The following NT5DC1 variants were observed in gnomAD, a reference collection of about 807,000 sequenced individuals.
NT5DC1 encodes the protein 5'-nucleotidase domain containing 1.
NT5DC1 carries 42 observed loss-of-function variants against 59.4 expected under a neutral mutation model. The ratio of observed to expected loss-of-function variants is 0.71; its 90% CI spans 0.55 to 0.92. NT5DC1 has a LOEUF of 0.92. NT5DC1 is among the 40% of genes least tolerant of loss of function. The pLI is 0.00. For synonymous variants in NT5DC1, 172 were observed against 188.1 expected (o/e 0.91, Z 0.70); for missense variants, 501 against 537.1 (o/e 0.93, Z 0.66).
chr6:116,233,977 G>GTTTTT (rs34646243), intron 8 of NT5DC1, among the ~76,000 whole-genome samples: 10 of 109,840 alleles, frequency 9.1e-5, no homozygotes, highest in Admixed American at 1.1e-4. Flanking sequence ...TCTTATAACT[G>GTTTTT]TTTTTTTTTT....
chr6:116,106,513 C>A (rs1187073938), intron 2 of NT5DC1, among the ~76,000 whole-genome samples, 178 bp downstream of exon 2: 2 of 152,098 alleles, frequency 1.3e-5, no homozygotes, highest in African/African-American at 4.8e-5. Context: ...AAAGTGTTTT[C>A]TACTTTAAAC....
At chr6:116,186,030 A>G (rs1328500069) in intron 6 of NT5DC1, among the ~76,000 whole-genome samples, 1 of 151,876 alleles carries the variant, frequency 6.6e-6, no homozygotes, top group African/African-American at 2.4e-5. Flanking sequence ...CAAGATTTAG[A>G]GCTTCTTATA....
chr6:116,118,106 CT>C, intron 6 of NT5DC1, 161 bp downstream of exon 6: 1 of 658,854 alleles, frequency 1.5e-6, no homozygotes, highest in African/African-American at 1.8e-5. Flanking sequence ...TTCAGAAGTC[CT>C]TTTATTTGTG....
chr6:116,243,502 T>C (rs1186013821), intron 11 of NT5DC1, among the ~76,000 whole-genome samples: 1 of 152,196 alleles, frequency 6.6e-6, no homozygotes, highest in Non-Finnish European at 1.5e-5. Flanking sequence ...TTCTGTAATA[T>C]GGGAGAAAGA....
chr6:116,140,314 T>C (rs471766), intron 6 of NT5DC1, among the ~76,000 whole-genome samples: 91,756 of 152,004 alleles, frequency 0.6, 29,701 homozygotes, highest in African/African-American at 0.85. Flanking sequence ...TTAGCTAATA[T>C]ACTTTCTCAG....
intron 6 of NT5DC1, among the ~76,000 whole-genome samples, chr6:116,184,583 G>T (rs1299887666): frequency 1.3e-5 from 2 of 151,970 alleles, no homozygotes; most frequent in African/African-American, 4.8e-5. Flanking sequence ...GGTCTGTTCA[G>T]AGTGTCTGTT....
In NT5DC1 at chr6:116,114,532, G is replaced by C. The variant is rs1026359438; in HGVS notation, c.365-1159G>C. The stretch of plus-strand genomic sequence containing the variant: ...CTCATATACATAGCTTGCAAATTGG[G>C]GGGAGGGGGGGGGAGTCAAAATCAG... On this transcript the variant is annotated intron_variant, in intron 4 of 11. Transcript: ENST00000319550. Among the ~76,000 whole-genome samples, 8 of 98,194 alleles carry C rather than the reference G, an allele frequency of 8.1e-5. 1 individual carries two copies. Among genetic ancestry groups the C allele is most frequent in the African/African-American group, 2.4e-4 (6 of 24,912 alleles). 64.4% of individuals were successfully genotyped at this position (98,194 alleles called of 152,430 possible).
At chr6:116,215,978 AT>A (rs1278050103) in intron 6 of NT5DC1, among the ~76,000 whole-genome samples, 1 of 152,088 alleles carries the variant, frequency 6.6e-6, no homozygotes, top group African/African-American at 2.4e-5. Flanking sequence ...TGTTCGAATA[AT>A]TTTTCTTTCA....
At chr6:116,169,311 G>A (rs893047794) in intron 6 of NT5DC1, among the ~76,000 whole-genome samples, 10 of 152,152 alleles carry the variant, frequency 6.6e-5, no homozygotes, top group African/African-American at 2.4e-4. Flanking sequence ...AAATGGCATA[G>A]TTCTCCACTG....
chr6:116,201,467 A>G (rs1003575199), intron 6 of NT5DC1, among the ~76,000 whole-genome samples: 4 of 152,016 alleles, frequency 2.6e-5, no homozygotes, highest in African/African-American at 7.2e-5. Context: ...GAATTGACCA[A>G]TCAAATTTCC....
chr6:116,145,377 G>T, intron 6 of NT5DC1: 1 of 311,658 alleles, frequency 3.2e-6, no homozygotes, highest in Non-Finnish European at 7.3e-6. Flanking sequence ...TTAAATTGAT[G>T]GTAAGAAGAA....
At chr6:116,150,043 G>A (rs751866873) in intron 6 of NT5DC1, among the ~76,000 whole-genome samples, 15 of 152,140 alleles carry the variant, frequency 9.9e-5, no homozygotes, top group Non-Finnish European at 1.5e-4. Flanking sequence ...AGGCTTGTGG[G>A]CCATAAGTGT....
intron 6 of NT5DC1, chr6:116,121,765 T>C: frequency 1.9e-6 from 3 of 1,613,842 alleles, no homozygotes; most frequent in Non-Finnish European, 2.5e-6. Flanking sequence ...CTCTCTCTCC[T>C]GGTTTTCCTG....
At chr6:116,209,300 T>C (rs1334875800) in intron 6 of NT5DC1, among the ~76,000 whole-genome samples, 1 of 151,986 alleles carries the variant, frequency 6.6e-6, no homozygotes, top group African/African-American at 2.4e-5. Flanking sequence ...TCTTAGCTTG[T>C]GGGCTGTGGT....
chr6:116,106,548 G>T (rs1289473110), intron 2 of NT5DC1, among the ~76,000 whole-genome samples: 1 of 152,148 alleles, frequency 6.6e-6, no homozygotes, highest in South Asian at 2.1e-4. Context: ...CTAATTAAAT[G>T]TGAAAATAAG....
In NT5DC1 at chr6:116,239,001, C is replaced by T; in HGVS notation, c.1130C>T (p.Ser377Phe). 1.2e-6 allele frequency: 2 copies of T among 1,608,782 alleles called. No individual in the cohort carries two copies. The highest frequency in any genetic ancestry group is 8.5e-7 in the Non-Finnish European group (1 of 1,175,578). Residue 377 changes from serine (S) to phenylalanine (F), a missense_variant, in exon 11 of 12, where the codon TCT becomes TTT. Physicochemically the swap from Ser to Phe is radical, Grantham distance 155 (BLOSUM62 -2). Coordinates refer to ENST00000319550, the MANE Select transcript of NT5DC1 (RefSeq NM_152729.3). Reference sequence around the variant, plus strand: ...AATACTTCATCTAAAAAATGGGGCTCTTTTTTTATTGATTCAGTTTTGGGA... The same window carrying T: ...AATACTTCATCTAAAAAATGGGGCTTTTTTTTTATTGATTCAGTTTTGGGA... ...PLNTSSKKWGSFFIDSVLGLE... is the reference protein window; with the variant it reads ...PLNTSSKKWGFFFIDSVLGLE...
intron 6 of NT5DC1, among the ~76,000 whole-genome samples, chr6:116,185,396 T>G (rs1461378982): frequency 6.6e-6 from 1 of 152,096 alleles, no homozygotes; most frequent in Admixed American, 6.6e-5. Context: ...TAGGGTATAG[T>G]TTAAGTCCAT....
chr6:116,121,632 C>T (rs548773444), intron 6 of NT5DC1: 1 of 1,613,976 alleles, frequency 6.2e-7, no homozygotes, highest in East Asian at 2.2e-5. Context: ...CCTGTGGGTC[C>T]CTGTTGTCCA....
At chr6:116,135,852 TA>T (rs1779581628) in intron 6 of NT5DC1, among the ~76,000 whole-genome samples, 1 of 115,676 alleles carries the variant, frequency 8.6e-6, no homozygotes. Context: ...TATATATATA[TA>T]TATATATATA....
Sources: gnomAD v4.1 joint callset for allele counts (sites outside exome capture counted in the v4.1 genomes callset) on GRCh38, gnomAD v4.1.1 for gene constraint, MANE v1.5 for transcripts, NCBI Gene and HGNC (gene_info 2026-07-23, HGNC 2026-07-21) for gene names.